NPSR1: variants seen among roughly 807,000 people sequenced by gnomAD.
The protein encoded by NPSR1 is neuropeptide S receptor.
In NPSR1, 48 loss-of-function variants were observed where a neutral mutation model predicts 46.9. The ratio of observed to expected loss-of-function variants is 1.02; its 90% CI spans 0.81 to 1.30. The LOEUF (loss-of-function observed/expected upper bound fraction) is 1.30. NPSR1 is among the 50% of genes most tolerant of loss of function. The pLI is 0.00. For missense variants in NPSR1, 450 were observed against 449.5 expected, an observed-to-expected ratio of 1.00 and a Z score of -0.01; for synonymous variants, 176 against 168.1, an observed-to-expected ratio of 1.05 and a Z score of -0.36.
At chr7:34,804,884 GT>G (rs1183383875) in intron 3 of NPSR1, among the ~76,000 whole-genome samples, 1 of 151,970 alleles carries the variant, frequency 6.6e-6, no homozygotes, top group South Asian at 2.1e-4. Context: ...AAAGTCAGTT[GT>G]TTTTTTCCAG....
intron 6 of NPSR1, among the ~76,000 whole-genome samples, chr7:34,843,028 AC>A (rs556298761): frequency 7.3e-4 from 111 of 152,014 alleles, no homozygotes; most frequent in African/African-American, 2.6e-3. Context: ...CCCACGCTGC[AC>A]CCCGCCTTTG....
chr7:34,686,670 T>C (rs555260630), intron 2 of NPSR1, among the ~76,000 whole-genome samples: 1 of 152,278 alleles, frequency 6.6e-6, no homozygotes, highest in East Asian at 1.9e-4. Context: ...CAGTATCTCA[T>C]CTTTCTGAGC....
chr7:34,812,283 T>C (rs779133180), intron 4 of NPSR1, among the ~76,000 whole-genome samples: 1 of 151,806 alleles, frequency 6.6e-6, no homozygotes, highest in African/African-American at 2.4e-5. Flanking sequence ...TCCAAAACCA[T>C]AGAAATAATT....
chr7:34,791,652 C>T (rs527943014), intron 3 of NPSR1, among the ~76,000 whole-genome samples: 24 of 152,086 alleles, frequency 1.6e-4, no homozygotes, highest in African/African-American at 5.8e-4. Context: ...AGATTCAATG[C>T]ATTCCCTATC....
chr7:34,701,915 C>CT (rs1793849033), intron 2 of NPSR1, among the ~76,000 whole-genome samples: 1 of 152,142 alleles, frequency 6.6e-6, no homozygotes, highest in Non-Finnish European at 1.5e-5. Context: ...TTGGTCTTTT[C>CT]TTTATTGAGT....
intron 3 of NPSR1, among the ~76,000 whole-genome samples, chr7:34,785,367 T>A: frequency 8.7e-6 from 1 of 115,440 alleles, no homozygotes; most frequent in East Asian, 2.8e-4. Context: ...AACATCACAC[T>A]CTGGGCACTG....
At chr7:34,755,326 G>A (rs926387643) in intron 2 of NPSR1, among the ~76,000 whole-genome samples, 1 of 152,218 alleles carries the variant, frequency 6.6e-6, no homozygotes, top group Non-Finnish European at 1.5e-5. Flanking sequence ...CAGGGTGGGA[G>A]GGAGGAATGC....
chr7:34,722,360 C>T (rs1358373611), intron 2 of NPSR1, among the ~76,000 whole-genome samples: 2 of 152,066 alleles, frequency 1.3e-5, no homozygotes, highest in South Asian at 2.1e-4. Flanking sequence ...ATACTTAGTA[C>T]AATTCTACTT....
chr7:34,740,502 A>G (rs1432625026), intron 2 of NPSR1, among the ~76,000 whole-genome samples: 3 of 152,036 alleles, frequency 2.0e-5, no homozygotes, highest in Non-Finnish European at 2.9e-5. Context: ...TGCCTCTGGC[A>G]GCACTCCCCA....
At chr7:34,858,000 A>C (rs1791088358) in intron 8 of NPSR1, among the ~76,000 whole-genome samples, 1 of 151,906 alleles carries the variant, frequency 6.6e-6, no homozygotes, top group Admixed American at 6.5e-5. Flanking sequence ...ATGATATATG[A>C]GTATGCATAT....
intron 2 of NPSR1, among the ~76,000 whole-genome samples, chr7:34,757,676 G>A (rs1317799398): frequency 1.3e-5 from 2 of 152,128 alleles, no homozygotes; most frequent in Admixed American, 6.5e-5. Context: ...CACCCACTAG[G>A]CTGGGCATTG....
At position 34,875,805 on chromosome 7, in the gene NPSR1, G is replaced by C. The variant is rs1019699699; in HGVS notation, c.1026-2271G>C. Among the ~76,000 whole-genome samples the C allele has an allele frequency of 1.8e-4, 28 of 152,038 alleles. 1 individual carries two copies. Among genetic ancestry groups the C allele is most frequent in the African/African-American group, 6.3e-4 (26 of 41,334 alleles). On this transcript the variant is annotated intron_variant, in intron 8 of 8. Transcript: ENST00000359791. ...AGAAGCACAATGACCCTTTATTAAA[G>C]GATTTCAATGGCAGAAACTAGTCAA...
chr7:34,847,894 G>T (rs1750855379), intron 7 of NPSR1, among the ~76,000 whole-genome samples: 1 of 152,158 alleles, frequency 6.6e-6, no homozygotes, highest in Admixed American at 6.5e-5. Flanking sequence ...TTGAGAATTT[G>T]GGGCCAAATA....
chr7:34,877,528 A>T (rs1791605604), intron 8 of NPSR1, among the ~76,000 whole-genome samples: 2 of 152,214 alleles, frequency 1.3e-5, no homozygotes, highest in Non-Finnish European at 2.9e-5. Context: ...GAAAAGCTGG[A>T]CGGAGCAATA....
At chr7:34,685,673 A>G (rs541349837) in intron 2 of NPSR1, 64 of 418,210 alleles carry the variant, frequency 1.5e-4, no homozygotes, top group Non-Finnish European at 2.6e-4. Context: ...TCAAAAATTT[A>G]TGACACTGTA....
intron 2 of NPSR1, chr7:34,750,473 A>G: frequency 1.4e-6 from 1 of 729,598 alleles, no homozygotes; most frequent in South Asian, 1.4e-5. Flanking sequence ...TGCAGAAGCC[A>G]GAGGCTGGTG....
chr7:34,712,343 TTTG>T (rs1217413314), intron 2 of NPSR1, among the ~76,000 whole-genome samples: 2 of 152,246 alleles, frequency 1.3e-5, no homozygotes, highest in Admixed American at 6.5e-5. Flanking sequence ...TCATGTTTTC[TTTG>T]TTGTTGTGCT....
In NPSR1 at chr7:34,849,788, A is replaced by C; in HGVS notation, c.*133A>C. The C allele has an allele frequency of 4.0e-6, 6 of 1,491,946 alleles. No individual in the cohort carries two copies. Among genetic ancestry groups the C allele is most frequent in the Non-Finnish European group, 5.3e-6 (6 of 1,123,784 alleles). The allele number at this position is 1,491,946 out of a possible 1,614,324, so 92.4% of individuals were successfully genotyped here. A position where few individuals can be genotyped will look rare whatever the true frequency, so the allele number is the denominator to read the frequency against. ...TCATTACCTGGGAGATGCACAAGAC[A>C]AATGTTCTAATGACTGCATGCACTG... On this transcript the variant is annotated 3_prime_UTR_variant, in exon 9 of 9. Coordinates refer to ENST00000360581, the MANE Select transcript of NPSR1 (RefSeq NM_207172.2).
intron 2 of NPSR1, among the ~76,000 whole-genome samples, chr7:34,757,796 C>T (rs1006878069): frequency 1.2e-4 from 18 of 152,178 alleles, no homozygotes; most frequent in African/African-American, 3.9e-4. Context: ...TCCTACCTTC[C>T]GATGCCTCCT....
Sources: allele counts gnomAD v4.1 joint callset (sites outside exome capture counted in the v4.1 genomes callset), GRCh38; gene constraint gnomAD v4.1.1; transcripts MANE v1.5; gene names NCBI Gene and HGNC (gene_info 2026-07-23, HGNC 2026-07-21).